Variants in HCRTR2 observed in about 807,000 individuals in gnomAD.
HCRTR2 encodes hypocretin receptor 2.
In HCRTR2, 22 loss-of-function variants were observed where a neutral mutation model predicts 49.0. That is an observed-to-expected ratio of 0.45 (90% CI 0.32 to 0.64). The LOEUF is 0.64. HCRTR2 is among the 30% of genes least tolerant of loss of function. HCRTR2 has a pLI of 0.04. For missense variants in HCRTR2, 491 were observed against 559.4 expected, an observed-to-expected ratio of 0.88 and a Z score of 1.23; for synonymous variants, 236 against 205.3, an observed-to-expected ratio of 1.15 and a Z score of -1.28.
chr6:55,143,822 C>T (rs74694998), intron 1 of HCRTR2, among the ~76,000 whole-genome samples: 5,505 of 152,260 alleles, frequency 0.036, 141 homozygotes, highest in Non-Finnish European at 0.057. Flanking sequence ...AATATGAACG[C>T]AGGTAGCCTG....
intron 1 of HCRTR2, among the ~76,000 whole-genome samples, chr6:55,150,661 G>A (rs1041943646): frequency 1.3e-5 from 2 of 151,910 alleles, no homozygotes; most frequent in African/African-American, 2.4e-5. Flanking sequence ...ATTGCAAATG[G>A]CAAGATTTCC....
At chr6:55,201,181 C>T (rs1765507338) in intron 1 of HCRTR2, among the ~76,000 whole-genome samples, 1 of 152,058 alleles carries the variant, frequency 6.6e-6, no homozygotes, top group Admixed American at 6.5e-5. Flanking sequence ...TAAGTGTAGG[C>T]AGGGAAAATA....
rs745763904 is a variant in HCRTR2, at chr6:55,242,942, A to G, written c.224-5697A>G. 6.2e-4 allele frequency among the ~76,000 whole-genome samples: 95 copies of G among 152,314 alleles called. 1 individual carries two copies. Among genetic ancestry groups the G allele is most frequent in the Admixed American group, 4.6e-4 (7 of 15,302 alleles). On this transcript the variant is annotated intron_variant, in intron 1 of 6. Coordinates refer to ENST00000370862, the MANE Select transcript of HCRTR2 (RefSeq NM_001384272.1). Reference sequence around the variant, plus strand: ...CAGGAAAATAACTTAAATCATAAAAACTATATCTGAATATTATTTAACATA... The same window carrying G: ...CAGGAAAATAACTTAAATCATAAAAGCTATATCTGAATATTATTTAACATA...
chr6:55,243,981 T>C lies in HCRTR2; in HGVS notation c.224-4658T>C, dbSNP rs539929374. ...ATTTTGGACAGTTTTGGATACTATT[T>C]AATTGGTTAAAAAGCTATTGAAATG... is the stretch of plus-strand genomic sequence containing the variant. On this transcript the variant is annotated intron_variant, in intron 1 of 6. Coordinates refer to ENST00000370862, the MANE Select transcript of HCRTR2 (RefSeq NM_001384272.1). Among the ~76,000 whole-genome samples the C allele has an allele frequency of 4.6e-5, 7 of 152,208 alleles. No individual in the cohort carries two copies. The South Asian group carries it at 1.5e-3, about 32-fold the overall frequency.
upstream of HCRTR2, among the ~76,000 whole-genome samples, chr6:55,172,445 T>C (rs1311878688): frequency 6.6e-6 from 1 of 152,166 alleles, no homozygotes; most frequent in African/African-American, 2.4e-5. Context: ...TGTTTAACTT[T>C]GTATCACTAA....
intron 4 of HCRTR2, among the ~76,000 whole-genome samples, chr6:55,272,303 A>G (rs1766988086): frequency 6.6e-6 from 1 of 152,102 alleles, no homozygotes; most frequent in African/African-American, 2.4e-5. Context: ...AATGTTGAGA[A>G]TAGGCAAATA....
At chr6:55,281,848 T>C (rs1767196886) in intron 6 of HCRTR2, among the ~76,000 whole-genome samples, 1 of 152,206 alleles carries the variant, frequency 6.6e-6, no homozygotes, top group Non-Finnish European at 1.5e-5. Flanking sequence ...TTTGGCTTTG[T>C]ATGACATAAG....
intron 1 of HCRTR2, among the ~76,000 whole-genome samples, chr6:55,121,252 C>A (rs1764195187): frequency 6.6e-6 from 1 of 152,050 alleles, no homozygotes; most frequent in Admixed American, 6.6e-5. Context: ...AATGGGAGTT[C>A]ACTCATGATT....
At chr6:55,134,735 T>C (rs186978563) in intron 1 of HCRTR2, among the ~76,000 whole-genome samples, 195 of 152,134 alleles carry the variant, frequency 1.3e-3, no homozygotes, top group African/African-American at 4.5e-3. Context: ...ACAGTATTTG[T>C]CTTGCTGTGT....
chr6:55,222,542 A>G (rs1047681584), intron 1 of HCRTR2, among the ~76,000 whole-genome samples: 1 of 152,216 alleles, frequency 6.6e-6, no homozygotes, highest in Non-Finnish European at 1.5e-5. Context: ...AATGAAATAT[A>G]TAATGACAGA....
chr6:55,277,675 T>A, intron 5 of HCRTR2, 75 bp downstream of exon 5: 2 of 1,106,518 alleles, frequency 1.8e-6, no homozygotes, highest in Non-Finnish European at 2.7e-6. Flanking sequence ...TTTTTTTTTT[T>A]AACTAAGCCA....
intron 1 of HCRTR2, among the ~76,000 whole-genome samples, chr6:55,236,323 CATAT>C (rs1247856364): frequency 7.9e-5 from 12 of 151,712 alleles, no homozygotes; most frequent in Admixed American, 2.6e-4. Context: ...ATTGATTTTG[CATAT>C]ATACATTATA....
At chr6:55,160,852 A>G (rs917426869) in intron 1 of HCRTR2, among the ~76,000 whole-genome samples, 3 of 152,168 alleles carry the variant, frequency 2.0e-5, no homozygotes, top group African/African-American at 4.8e-5. Flanking sequence ...TTAGAGACCT[A>G]TAGAGACTTA....
chr6:55,204,606 T>C (rs926573235), intron 1 of HCRTR2, among the ~76,000 whole-genome samples: 2 of 152,114 alleles, frequency 1.3e-5, no homozygotes, highest in East Asian at 1.9e-4. Context: ...ACACTCTTTA[T>C]ATATTTTGAA....
chr6:55,191,970 A>G (rs2127278849), intron 1 of HCRTR2, among the ~76,000 whole-genome samples: 1 of 152,310 alleles, frequency 6.6e-6, no homozygotes, highest in South Asian at 2.1e-4. Context: ...CTAAGATTTG[A>G]AATATATTTG....
rs188934599 is a variant in HCRTR2, at chr6:55,159,342, C to T, written c.-377-14869C>T. On this transcript the variant is annotated intron_variant, in intron 1 of 7. Coordinates refer to the HCRTR2 transcript ENST00000615358. ...AAAAACCCCATCTGAAGGTCACCAA[C>T]ACCAAATACCAAAGGTAGATAAATC... Among the ~76,000 whole-genome samples the T allele has an allele frequency of 1.6e-3, 240 of 152,012 alleles. 2 individuals carry two copies. The highest frequency in any genetic ancestry group is 5.6e-3 in the African/African-American group (234 of 41,474).
At chr6:55,141,505 A>T (rs1764507075) in intron 1 of HCRTR2, among the ~76,000 whole-genome samples, 1 of 152,180 alleles carries the variant, frequency 6.6e-6, no homozygotes, top group Admixed American at 6.5e-5. Flanking sequence ...TCTGTCTCTT[A>T]TGTCAAACTG....
chr6:55,263,411 C>G (rs561823997), intron 3 of HCRTR2, among the ~76,000 whole-genome samples: 36 of 152,090 alleles, frequency 2.4e-4, no homozygotes, highest in Middle Eastern at 3.4e-3. Context: ...AAATAAAGGG[C>G]CTTTTAATAA....
chr6:55,189,214 A>G (rs368137226), intron 1 of HCRTR2, among the ~76,000 whole-genome samples: 90 of 152,282 alleles, frequency 5.9e-4, no homozygotes, highest in South Asian at 5.8e-3. Context: ...AGTGATTTTA[A>G]AATGACTTGT....
Sources: gnomAD v4.1 joint callset for allele counts (sites outside exome capture counted in the v4.1 genomes callset) on GRCh38, gnomAD v4.1.1 for gene constraint, MANE v1.5 for transcripts, NCBI Gene and HGNC (gene_info 2026-07-23, HGNC 2026-07-21) for gene names.